The following PCTP variants were observed in gnomAD, a reference collection of about 807,000 sequenced individuals.
The protein encoded by PCTP is START domain-containing protein 2.
PCTP carries 27 observed loss-of-function variants against 31.0 expected under a neutral mutation model. That is an observed-to-expected ratio of 0.87 (90% CI 0.64 to 1.20). PCTP has a LOEUF of 1.20. Ranked by LOEUF, PCTP falls within the 50% of genes most tolerant of loss-of-function variation. The pLI, the probability that PCTP is intolerant of heterozygous loss-of-function variation, is 0.00. For missense variants in PCTP, 287 were observed against 268.2 expected (o/e 1.07, Z -0.49); for synonymous variants, 108 against 101.2 (o/e 1.07, Z -0.40).
At chr17:55,824,865 T>C (rs951008940), downstream of PCTP, among the ~76,000 whole-genome samples, 3 of 152,232 alleles carry the variant, frequency 2.0e-5, no homozygotes, top group Non-Finnish European at 4.4e-5. Context: ...ACACTGCCAG[T>C]CCTTTTTAAT....
At chr17:55,757,100 T>C (rs1910068391) in intron 1 of PCTP, among the ~76,000 whole-genome samples, 1 of 151,966 alleles carries the variant, frequency 6.6e-6, no homozygotes, top group African/African-American at 2.4e-5. Flanking sequence ...TATTGGAATC[T>C]CAAATTTGAG....
intron 2 of PCTP, among the ~76,000 whole-genome samples, chr17:55,767,878 A>T (rs1361655246): frequency 2.7e-5 from 4 of 145,796 alleles, no homozygotes; most frequent in Admixed American, 2.2e-4. Flanking sequence ...AGATCACTTG[A>T]GGCCAGGAGT....
intron 1 of PCTP, among the ~76,000 whole-genome samples, chr17:55,754,274 A>G (rs1909871459): frequency 6.6e-6 from 1 of 152,220 alleles, no homozygotes; most frequent in Admixed American, 6.5e-5. Context: ...GCTTCTGACC[A>G]ACTGGCTGTA....
At chr17:55,752,685 A>G (rs1410978431) in intron 1 of PCTP, among the ~76,000 whole-genome samples, 1 of 152,218 alleles carries the variant, frequency 6.6e-6, no homozygotes, top group Admixed American at 6.5e-5. Context: ...CAGATACTGC[A>G]AGTGGCTAAG....
At chr17:55,828,699 AAGG>A (rs1181879413) in intron 5 of PCTP, among the ~76,000 whole-genome samples, 2 of 152,184 alleles carry the variant, frequency 1.3e-5, no homozygotes, top group East Asian at 3.9e-4. Flanking sequence ...CAGTGCCCAA[AAGG>A]GCTGGCTTCT....
At chr17:55,803,356 CTACTT>C (rs1454027036) in intron 3 of PCTP, among the ~76,000 whole-genome samples, 1 of 152,174 alleles carries the variant, frequency 6.6e-6, no homozygotes, top group Non-Finnish European at 1.5e-5. Context: ...TTAGAAAAAA[CTACTT>C]TAAGTTTCAT....
chr17:55,766,367 C>T (rs1040674257), intron 1 of PCTP, among the ~76,000 whole-genome samples: 11 of 150,100 alleles, frequency 7.3e-5, no homozygotes, highest in Admixed American at 1.3e-4. Context: ...CCCATTAACT[C>T]GTCATTTAGC....
chr17:55,836,900 C>T (rs1363063237), intron 5 of PCTP, among the ~76,000 whole-genome samples: 1 of 152,062 alleles, frequency 6.6e-6, no homozygotes, highest in Non-Finnish European at 1.5e-5. Context: ...AAGGAGAGTG[C>T]TGGGGGAATG....
downstream of PCTP, among the ~76,000 whole-genome samples, chr17:55,781,253 A>T (rs1260617392): frequency 6.6e-6 from 1 of 152,208 alleles, no homozygotes; most frequent in African/African-American, 2.4e-5. Context: ...GTACATCTCT[A>T]TCTGCCTCCC....
In PCTP at chr17:55,773,846, A is replaced by G; in HGVS notation, c.462A>G (p.Gln154=). 6.2e-7 allele frequency: 1 copy of G among 1,612,928 alleles called. No homozygotes were observed. The highest frequency in any genetic ancestry group is 8.5e-7 in the Non-Finnish European group (1 of 1,179,456). Residue 154 remains glutamine, a synonymous_variant, in exon 4 of 6, where the codon CAA becomes CAG. Transcript: ENST00000268896. ...GGTCTGGGGTGATCCGGGTGAAGCA[A>G]TACAAGCAGAGCCTGGCGATCGAGA... ...GERSGVIRVK[Q]YKQSLAIESD...
downstream of PCTP, among the ~76,000 whole-genome samples, chr17:55,846,113 T>C (rs926770448): frequency 2.0e-5 from 3 of 152,054 alleles, no homozygotes; most frequent in East Asian, 1.9e-4. Context: ...TCTAGATATA[T>C]AAGAATAGAG....
At chr17:55,811,387 A>G (rs1009538204) in intron 3 of PCTP, among the ~76,000 whole-genome samples, 12 of 152,160 alleles carry the variant, frequency 7.9e-5, no homozygotes, top group African/African-American at 2.9e-4. Context: ...ACAACCAACT[A>G]TGCAGTATTT....
At chr17:55,763,775 CTA>C (rs1002197466) in intron 1 of PCTP, among the ~76,000 whole-genome samples, 13 of 152,062 alleles carry the variant, frequency 8.5e-5, no homozygotes, top group African/African-American at 3.1e-4. Flanking sequence ...TTATAAAAAA[CTA>C]TTTTTTAAAA....
chr17:55,775,195 T>G, intron 5 of PCTP: 4 of 1,261,638 alleles, frequency 3.2e-6, no homozygotes, highest in Non-Finnish European at 4.0e-6. Context: ...TTCCTCTGCT[T>G]ACTGGGGAAT....
downstream of PCTP, among the ~76,000 whole-genome samples, chr17:55,826,476 A>T (rs985742996): frequency 2.0e-5 from 3 of 151,820 alleles, no homozygotes; most frequent in Non-Finnish European, 4.4e-5. Context: ...AGAAAAAAAA[A>T]AAAAAGAAGG....
downstream of PCTP, among the ~76,000 whole-genome samples, chr17:55,847,768 G>C (rs1055283775): frequency 6.6e-6 from 1 of 152,174 alleles, no homozygotes. Flanking sequence ...TTGTTCAAGG[G>C]GGGGTCAGCC....
chr17:55,819,010 C>CAAAAAAAAAAAAAAAAA (rs56823756), intron 3 of PCTP, among the ~76,000 whole-genome samples: 43 of 51,098 alleles, frequency 8.4e-4, no homozygotes, highest in South Asian at 1.1e-3. Context: ...GGAAAGAAAT[C>CAAAAAAAAAAAAAAAAA]AAAAAAAAAA....
intron 5 of PCTP, among the ~76,000 whole-genome samples, chr17:55,841,027 G>T (rs9910335): frequency 0.25 from 38,523 of 152,104 alleles, 4,818 homozygotes; most frequent in East Asian, 0.37. Context: ...CTGGGGGTCC[G>T]TGAAACATAT....
intron 3 of PCTP, among the ~76,000 whole-genome samples, chr17:55,822,422 A>G (rs1913144619): frequency 6.6e-6 from 1 of 152,214 alleles, no homozygotes; most frequent in Non-Finnish European, 1.5e-5. Flanking sequence ...CGAAGAGCCT[A>G]CAATAATCCA....
Sources: allele counts gnomAD v4.1 joint callset (sites outside exome capture counted in the v4.1 genomes callset), GRCh38; gene constraint gnomAD v4.1.1; transcripts MANE v1.5; gene names NCBI Gene and HGNC (gene_info 2026-07-23, HGNC 2026-07-21).